The following TXNDC11 variants were observed in gnomAD, a reference collection of about 807,000 sequenced individuals.
TXNDC11 encodes the protein thioredoxin domain-containing protein 11.
Under a neutral mutation model 78.0 loss-of-function variants are expected in TXNDC11, and 68 were observed. The ratio of observed to expected loss-of-function variants is 0.87; its 90% CI spans 0.72 to 1.07. The LOEUF is 1.07. TXNDC11 is among the 50% of genes least tolerant of loss of function. TXNDC11 has a pLI of 0.00. For missense variants in TXNDC11, 1,389 were observed against 1,221.8 expected, an observed-to-expected ratio of 1.14 and a Z score of -2.04; for synonymous variants, 571 against 495.2, an observed-to-expected ratio of 1.15 and a Z score of -2.03.
Position 11,736,222 on chromosome 16 carries a change from T to C in TXNDC11, c.266A>G (p.Asp89Gly), listed in dbSNP as rs1342498739. 14 of 1,609,100 alleles carry C rather than the reference T, an allele frequency of 8.7e-6. No individual in the cohort carries two copies. Among genetic ancestry groups the C allele is most frequent in the Non-Finnish European group, 1.2e-5 (14 of 1,177,288 alleles). ...AGGTGGCTTTGCTGGTATTATCACA[T>C]CTTTTGCTCGACTAAAAAAGAGCAA... ...ALKFTCSRAK[D>G]VIIPAKPPVS... Residue 89 changes from aspartate (D) to glycine (G), a missense_variant, in exon 2 of 12, where the codon GAT becomes GGT. Asp to Gly is a moderately conservative substitution (Grantham distance 94). Coordinates refer to ENST00000283033, the MANE Select transcript of TXNDC11 (RefSeq NM_015914.7).
Position 11,679,251 on chromosome 16 carries a change from C to T in TXNDC11, c.2821G>A (p.Ala941Thr). 1 of 1,613,414 alleles carries T rather than the reference C, an allele frequency of 6.2e-7. No homozygotes were observed. The highest frequency in any genetic ancestry group is 8.5e-7 in the Non-Finnish European group (1 of 1,180,022). Residue 941 changes from alanine (A) to threonine (T), a missense_variant, in exon 12 of 12, where the codon GCC (alanine) becomes ACC (threonine). Coordinates refer to ENST00000283033, the MANE Select transcript of TXNDC11 (RefSeq NM_015914.7). This position sits in a 1 kb window ranked among gnomAD's most constrained non-coding sequence, Gnocchi z 4.6. ...PQLPGSSPPP[A>T]NVSATLVSER... ...GACACCAGTGTGGCGCTGACATTGG[C>T]AGGTGGAGGGGAGCTGCCAGGGAGC...
At chr16:11,721,528 G>A (rs2051706708) in intron 5 of TXNDC11, 49 bp downstream of exon 5, 1 of 1,014,698 alleles carries the variant, frequency 9.9e-7, no homozygotes, top group Non-Finnish European at 1.5e-6. Context: ...AAAGATGTAA[G>A]TAACAATTCT....
At chr16:11,714,077 C>T (rs147693895) in intron 5 of TXNDC11, among the ~76,000 whole-genome samples, 189 of 151,098 alleles carry the variant, frequency 1.3e-3, no homozygotes, top group African/African-American at 3.8e-3. Context: ...GTCTCACTTT[C>T]GTCACCCAGG....
chr16:11,719,592 A>G (rs527420871), intron 5 of TXNDC11, among the ~76,000 whole-genome samples: 1 of 152,332 alleles, frequency 6.6e-6, no homozygotes, highest in African/African-American at 2.4e-5. Flanking sequence ...AAGAATAGTT[A>G]CATATTTTTG....
chr16:11,739,651 T>A (rs181751155), intron 1 of TXNDC11, among the ~76,000 whole-genome samples: 85 of 152,128 alleles, frequency 5.6e-4, no homozygotes, highest in African/African-American at 1.9e-3. Flanking sequence ...AATACATGTA[T>A]ACATACATAT....
chr16:11,687,766 T>C, intron 10 of TXNDC11, 91 bp downstream of exon 10: 1 of 857,806 alleles, frequency 1.2e-6, no homozygotes, highest in Non-Finnish European at 1.9e-6. Flanking sequence ...TAATGGAAAA[T>C]GGGCAGACCC....
intron 3 of TXNDC11, among the ~76,000 whole-genome samples, chr16:11,731,288 AT>A (rs2141112727): frequency 6.6e-6 from 1 of 152,340 alleles, no homozygotes; most frequent in South Asian, 2.1e-4. Flanking sequence ...CCTTAAACCT[AT>A]TTGAAGCTTT....
Position 11,721,675 on chromosome 16 carries a change from AG to A in TXNDC11, c.700-6del. The A allele has an allele frequency of 1.3e-6, 2 of 1,597,864 alleles. No homozygotes were observed. Among genetic ancestry groups the A allele is most frequent in the Middle Eastern group, 1.7e-4 (1 of 5,856 alleles). Reference sequence around the variant, plus strand: ...AAAGTACCCGAGTACTCCAGGCTGCAGGAAAAAGAGCAGAATTAGGTAACTG... The same window carrying A: ...AAAGTACCCGAGTACTCCAGGCTGCAGAAAAAGAGCAGAATTAGGTAACTG... On this transcript the variant is annotated splice_region_variant and splice_polypyrimidine_tract_variant and intron_variant, in intron 4 of 11. Coordinates refer to ENST00000283033, the MANE Select transcript of TXNDC11 (RefSeq NM_015914.7).
At chr16:11,684,097 C>T in intron 11 of TXNDC11, 68 bp downstream of exon 11, 1 of 1,098,312 alleles carries the variant, frequency 9.1e-7, no homozygotes, top group East Asian at 2.4e-5. Context: ...ACATCTTAAA[C>T]CCATTTCATT....
At chr16:11,698,649 G>A (rs756060214) in intron 6 of TXNDC11, among the ~76,000 whole-genome samples, 4 of 152,236 alleles carry the variant, frequency 2.6e-5, no homozygotes, top group African/African-American at 4.8e-5. Context: ...TCCAAGGACA[G>A]GTATTAAACG....
At chr16:11,693,546 TAAAAATA>T (rs1174061623) in intron 7 of TXNDC11, among the ~76,000 whole-genome samples, 2 of 152,022 alleles carry the variant, frequency 1.3e-5, no homozygotes, top group Non-Finnish European at 2.9e-5. Flanking sequence ...TTTATAAAAA[TAAAAATA>T]AAAAAGTTTT....
intron 1 of TXNDC11, among the ~76,000 whole-genome samples, chr16:11,737,022 A>C (rs2052241437): frequency 6.6e-6 from 1 of 152,206 alleles, no homozygotes; most frequent in East Asian, 1.9e-4. Context: ...CCATGCATCT[A>C]CACTCACATA....
intron 7 of TXNDC11, among the ~76,000 whole-genome samples, chr16:11,692,734 T>A (rs1252517422): frequency 8.5e-5 from 13 of 152,140 alleles, no homozygotes; most frequent in Non-Finnish European, 1.5e-5. Context: ...GGTTACTATA[T>A]TTTTAAAAAT....
At chr16:11,714,426 G>A (rs1054684604) in intron 5 of TXNDC11, among the ~76,000 whole-genome samples, 1 of 152,106 alleles carries the variant, frequency 6.6e-6, no homozygotes, top group African/African-American at 2.4e-5. Context: ...GGATCACGAG[G>A]TCGGGGATCA....
chr16:11,725,968 T>C (rs894480653), intron 4 of TXNDC11, among the ~76,000 whole-genome samples: 1 of 152,242 alleles, frequency 6.6e-6, no homozygotes, highest in South Asian at 2.1e-4. Context: ...GCCAAACTCC[T>C]GGACTCAAGC....
chr16:11,717,434 GAAAAAAAAAAA>G (rs58884197), intron 5 of TXNDC11, among the ~76,000 whole-genome samples: 1 of 62,330 alleles, frequency 1.6e-5, no homozygotes, highest in African/African-American at 6.8e-5. Context: ...GACTCCAAAT[GAAAAAAAAAAA>G]AAAAAAAAAA....
intron 6 of TXNDC11, among the ~76,000 whole-genome samples, chr16:11,698,618 A>G (rs2050924446): frequency 6.6e-6 from 1 of 152,258 alleles, no homozygotes; most frequent in Non-Finnish European, 1.5e-5. Flanking sequence ...GCTGGTGGCG[A>G]TAACAACCTC....
chr16:11,713,827 T>C (rs942324666), intron 5 of TXNDC11, among the ~76,000 whole-genome samples: 25 of 151,842 alleles, frequency 1.6e-4, no homozygotes, highest in Admixed American at 9.2e-4. Context: ...GTGAGTATAG[T>C]GACAACAAAT....
chr16:11,706,737 T>C (rs2051192070), intron 5 of TXNDC11, among the ~76,000 whole-genome samples: 1 of 152,038 alleles, frequency 6.6e-6, no homozygotes, highest in Non-Finnish European at 1.5e-5. Context: ...CTACCAAGGG[T>C]TCCTGAAAGA....
Sources: gnomAD v4.1 joint callset for allele counts (sites outside exome capture counted in the v4.1 genomes callset) on GRCh38, gnomAD v4.1.1 for gene constraint, Gnocchi (gnomAD v3.1) non-coding constraint, MANE v1.5 for transcripts, NCBI Gene and HGNC (gene_info 2026-07-23, HGNC 2026-07-21) for gene names.